PTPRN2: variants seen among roughly 807,000 people sequenced by gnomAD.
The protein encoded by PTPRN2 is protein tyrosine phosphatase receptor type N2.
In PTPRN2, 74 loss-of-function variants were observed where a neutral mutation model predicts 118.8. The ratio of observed to expected loss-of-function variants is 0.62; its 90% CI spans 0.52 to 0.76. The LOEUF is 0.76. Ranked by LOEUF, PTPRN2 falls within the 30% of genes least tolerant of loss-of-function variation. PTPRN2 has a pLI of 0.00. For synonymous variants in PTPRN2, 641 were observed against 608.0 expected, an observed-to-expected ratio of 1.05 and a Z score of -0.80; for missense variants, 1,481 against 1,394.4, an observed-to-expected ratio of 1.06 and a Z score of -0.99.
intron 6 of PTPRN2, among the ~76,000 whole-genome samples, chr7:158,151,581 G>A (rs1821164744): frequency 6.6e-6 from 1 of 151,120 alleles, no homozygotes. Context: ...GGGTGGTGGT[G>A]GTGGGTGGTA....
intron 2 of PTPRN2, among the ~76,000 whole-genome samples, chr7:158,332,803 CGTCA>C (rs1804764991): frequency 1.3e-5 from 2 of 148,766 alleles, no homozygotes; most frequent in African/African-American, 2.5e-5. Flanking sequence ...TGCCTGCAGA[CGTCA>C]CTCACGTACA....
At chr7:157,685,143 A>C (rs1378394096) in intron 12 of PTPRN2, among the ~76,000 whole-genome samples, 1 of 151,552 alleles carries the variant, frequency 6.6e-6, no homozygotes, top group Non-Finnish European at 1.5e-5. Flanking sequence ...CAAGAACAAC[A>C]AAGGAAGCGG....
At chr7:157,840,113 GTGTGAC>G (rs1417178996) in intron 12 of PTPRN2, among the ~76,000 whole-genome samples, 1 of 147,270 alleles carries the variant, frequency 6.8e-6, no homozygotes, top group East Asian at 2.1e-4. Flanking sequence ...CCGCGTGACT[GTGTGAC>G]TGTGACTGTG....
chr7:157,850,639 A>G (rs1250284137), intron 12 of PTPRN2, among the ~76,000 whole-genome samples: 1 of 152,182 alleles, frequency 6.6e-6, no homozygotes, highest in Admixed American at 6.5e-5. Context: ...GTCTGTTTTG[A>G]GGCCAGGGGG....
At chr7:158,047,877 C>G (rs1371336810) in intron 11 of PTPRN2, among the ~76,000 whole-genome samples, 1 of 152,138 alleles carries the variant, frequency 6.6e-6, no homozygotes, top group African/African-American at 2.4e-5. Context: ...AGCAACCCAC[C>G]AATGTGGCAT....
intron 11 of PTPRN2, among the ~76,000 whole-genome samples, chr7:157,911,321 C>T (rs1330530990): frequency 3.3e-5 from 5 of 152,160 alleles, no homozygotes; most frequent in Admixed American, 3.3e-4. Context: ...CAAAGACGCT[C>T]ATTTCTACCT....
intron 12 of PTPRN2, among the ~76,000 whole-genome samples, chr7:157,772,353 A>ACAGAC (rs1444812586): frequency 6.6e-6 from 1 of 151,846 alleles, no homozygotes; most frequent in Admixed American, 6.6e-5. Flanking sequence ...ATACACACAC[A>ACAGAC]CACATACACA....
At chr7:158,162,515 GT>G (rs1472936551) in intron 6 of PTPRN2, among the ~76,000 whole-genome samples, 1 of 152,104 alleles carries the variant, frequency 6.6e-6, no homozygotes, top group East Asian at 1.9e-4. Flanking sequence ...ATATTGTAAG[GT>G]TCCAACTCCA....
chr7:158,071,676 G>A (rs1246101615), intron 11 of PTPRN2, among the ~76,000 whole-genome samples: 81 of 128,274 alleles, frequency 6.3e-4, no homozygotes, highest in East Asian at 1.3e-3. Context: ...GGTGGTGGAG[G>A]TGCTCCTGGT....
At chr7:157,847,435 C>T (rs1808922309) in intron 12 of PTPRN2, among the ~76,000 whole-genome samples, 1 of 150,914 alleles carries the variant, frequency 6.6e-6, no homozygotes, top group Non-Finnish European at 1.5e-5. Flanking sequence ...ATCAGGTGTG[C>T]CTGATGTCTA....
At chr7:158,328,176 C>CATGACAG (rs1324870848) in intron 2 of PTPRN2, among the ~76,000 whole-genome samples, 2 of 152,184 alleles carry the variant, frequency 1.3e-5, no homozygotes, top group Non-Finnish European at 2.9e-5. Flanking sequence ...GTCATGGCAT[C>CATGACAG]CAGTCATAAC....
chr7:157,672,954 T>G (rs912900377), intron 13 of PTPRN2, among the ~76,000 whole-genome samples: 1 of 152,244 alleles, frequency 6.6e-6, no homozygotes, highest in Non-Finnish European at 1.5e-5. Context: ...GGGGCTGCAT[T>G]ATTATCCTGT....
intron 11 of PTPRN2, among the ~76,000 whole-genome samples, chr7:157,951,914 TG>T (rs899862685): frequency 1.3e-5 from 2 of 152,108 alleles, no homozygotes; most frequent in African/African-American, 4.8e-5. Context: ...CTGTCTGGCC[TG>T]GGCGCCCACT....
rs182701179 is a variant in PTPRN2 at position 158,257,505 on chromosome 7, T to C, written c.278-52232A>G. 1.9e-4 allele frequency among the ~76,000 whole-genome samples: 29 copies of C among 152,326 alleles called. 1 individual carries two copies. In the East Asian group the frequency reaches 5.2e-3, roughly 27 times the overall value. ...TCCTGTATTCAATCTGGAACTCTGC[T>C]CTTCCTTCTGGGGGGCCCTCAAGCT... On this transcript the variant is annotated intron_variant, in intron 3 of 22. Transcript: ENST00000389418.
chr7:158,070,441 G>T (rs1358265751), intron 11 of PTPRN2, among the ~76,000 whole-genome samples: 3 of 143,976 alleles, frequency 2.1e-5, no homozygotes, highest in African/African-American at 5.5e-5. Context: ...TGGTGGTGGA[G>T]GTGCCCGTGG....
At chr7:157,734,193 CT>C (rs757889960) in intron 12 of PTPRN2, among the ~76,000 whole-genome samples, 2 of 147,440 alleles carry the variant, frequency 1.4e-5, no homozygotes, top group African/African-American at 2.5e-5. Flanking sequence ...CACAGTTACT[CT>C]TTTCCGTCCC....
rs1261221161 is a variant in PTPRN2, at chr7:158,457,659, A to T, written c.163+32076T>A. 2.1e-5 allele frequency among the ~76,000 whole-genome samples: 2 copies of T among 94,058 alleles called. 1 individual carries two copies. Among genetic ancestry groups the T allele is most frequent in the Non-Finnish European group, 4.4e-5 (2 of 45,556 alleles). 61.7% of individuals were successfully genotyped at this position (94,058 alleles called of 152,430 possible). A position where few individuals can be genotyped will look rare whatever the true frequency, so the allele number is the denominator to read the frequency against. The stretch of plus-strand genomic sequence containing the variant: ...ACACGGTGAGGGGCGTTAACACCAA[A>T]ACTCCCGCTCCAGGGCGAGCCTGGC... On this transcript the variant is annotated intron_variant, in intron 2 of 22. Transcript: ENST00000389418.
chr7:157,661,870 G>A (rs796536700), intron 13 of PTPRN2, among the ~76,000 whole-genome samples: 34 of 152,298 alleles, frequency 2.2e-4, no homozygotes, highest in African/African-American at 7.7e-4. Flanking sequence ...GGCTCTGGGG[G>A]AACCTGCCAC....
At chr7:157,777,241 C>G (rs888719266) in intron 12 of PTPRN2, among the ~76,000 whole-genome samples, 2 of 152,224 alleles carry the variant, frequency 1.3e-5, no homozygotes, top group African/African-American at 2.4e-5. Context: ...GTTAGATACA[C>G]AAGAAACACA....
Sources: allele counts gnomAD v4.1 joint callset (sites outside exome capture counted in the v4.1 genomes callset), GRCh38; gene constraint gnomAD v4.1.1; transcripts MANE v1.5; gene names NCBI Gene and HGNC (gene_info 2026-07-23, HGNC 2026-07-21).